AKNA: variants seen among roughly 807,000 people sequenced by gnomAD.
AKNA encodes microtubule organization protein AKNA.
AKNA carries 67 observed loss-of-function variants against 138.8 expected under a neutral mutation model. The observed-to-expected ratio is 0.48, with a 90% CI of 0.40 to 0.59. The LOEUF (loss-of-function observed/expected upper bound fraction) is 0.59, where lower values mean the gene tolerates loss of function less well. Ranked by LOEUF, AKNA falls within the 20% of genes least tolerant of loss-of-function variation. The probability of loss-of-function intolerance (pLI) is 0.00; values close to 1 mark genes in which losing one functional copy is unlikely to be tolerated. For synonymous variants in AKNA, 737 were observed against 754.4 expected, an observed-to-expected ratio of 0.98 and a Z score of 0.38; for missense variants, 1,813 against 1,880.4, an observed-to-expected ratio of 0.96 and a Z score of 0.66.
At chr9:114,384,930 GC>G in intron 1 of AKNA, among the ~76,000 whole-genome samples, 1 of 152,120 alleles carries the variant, frequency 6.6e-6, no homozygotes, top group East Asian at 1.9e-4. Flanking sequence ...GCTCACTGTA[GC>G]CTTGACCACC....
At chr9:114,358,294 C>T in intron 11 of AKNA, 127 bp from the exon 12 acceptor site, 3 of 1,331,114 alleles carry the variant, frequency 2.3e-6, no homozygotes, top group South Asian at 1.3e-5. Flanking sequence ...GCTGCCCAGC[C>T]TGGTTCTGCC....
Position 114,382,932 on chromosome 9 carries a change from T to C in AKNA, c.-113-1486A>G, listed in dbSNP as rs79507450. 1.3e-3 allele frequency among the ~76,000 whole-genome samples: 201 copies of C among 152,306 alleles called. 4 individuals carry two copies. In the East Asian group the frequency reaches 0.03, roughly 23 times the overall value. On this transcript the variant is annotated intron_variant, in intron 1 of 21. Transcript: ENST00000374088. ...TGGCAGTTACACAACACTGTGAATA[T>C]ACTAAATGTCACTGAACTGTTTACC...
intron 1 of AKNA, among the ~76,000 whole-genome samples, chr9:114,383,908 C>T (rs918051155): frequency 7.2e-5 from 11 of 152,148 alleles, no homozygotes; most frequent in African/African-American, 2.7e-4. Flanking sequence ...CCTCTGTCCC[C>T]GCCCAGTCTT....
At chr9:114,331,515 G>A (rs373305937), downstream of AKNA, 652 of 1,445,438 alleles carry the variant, frequency 4.5e-4, 1 homozygote, top group South Asian at 1.5e-3. Context: ...TGTAAGACAG[G>A]CACCATTGTG....
intron 9 of AKNA, 53 bp downstream of exon 9, chr9:114,361,651 C>A: frequency 6.3e-7 from 1 of 1,586,962 alleles, no homozygotes; most frequent in Admixed American, 1.7e-5. Flanking sequence ...AATGAATTAA[C>A]GAAGAAATGA....
chr9:114,332,851 GGTCTGAGCTCCCATT>G (rs1829882015), downstream of AKNA, among the ~76,000 whole-genome samples: 1 of 152,136 alleles, frequency 6.6e-6, no homozygotes, highest in Non-Finnish European at 1.5e-5. Flanking sequence ...GGTTCTTAAG[GGTCTGAGCTCCCATT>G]GTAGAGGCAA....
intron 1 of AKNA, among the ~76,000 whole-genome samples, chr9:114,384,571 T>G (rs1833904277): frequency 1.3e-5 from 2 of 152,208 alleles, no homozygotes; most frequent in African/African-American, 2.4e-5. Flanking sequence ...ATGACAAGGA[T>G]GTAGGCCTTT....
downstream of AKNA, chr9:114,331,666 C>T: frequency 6.2e-7 from 1 of 1,613,444 alleles, no homozygotes; most frequent in Non-Finnish European, 8.5e-7. Flanking sequence ...TGGGGGCTGT[C>T]TTTCTATGGT....
chr9:114,395,272 C>T (rs942728266), upstream of AKNA, among the ~76,000 whole-genome samples: 3 of 152,072 alleles, frequency 2.0e-5, no homozygotes, highest in African/African-American at 4.8e-5. Flanking sequence ...TGTGTTTGTA[C>T]GCAGGACACA....
downstream of AKNA, chr9:114,332,964 C>T (rs1394928955): frequency 3.9e-6 from 6 of 1,552,602 alleles, no homozygotes; most frequent in African/African-American, 6.8e-5. Flanking sequence ...CCTGGTTGAG[C>T]TGGTTCCACA....
intron 12 of AKNA, 100 bp downstream of exon 12, chr9:114,357,821 C>G (rs527664833): frequency 6.5e-7 from 1 of 1,544,382 alleles, no homozygotes; most frequent in Non-Finnish European, 8.7e-7. Context: ...GCAAGTATTC[C>G]AAGAAGGAAT....
At position 114,367,660 on chromosome 9, in the gene AKNA, C is replaced by A. The variant is rs146163104; in HGVS notation, c.1611G>T (p.Ser537=). ...ACCCCAGGGTGGGCATGCTGGTAAG[C>A]GAGGAGGGGCTCAAGTCTCCTCGAG... The part of the protein sequence containing the change: ...PSARGDLSPS[S]LTSMPTLGWL... Residue 537 remains serine, a synonymous_variant, in exon 6 of 22, where the codon TCG becomes TCT. Transcript: ENST00000374088. The A allele has an allele frequency of 6.3e-7, 1 of 1,595,532 alleles. No homozygotes were observed. Among genetic ancestry groups the A allele is most frequent in the South Asian group, 1.1e-5 (1 of 90,556 alleles).
intron 13 of AKNA, among the ~76,000 whole-genome samples, chr9:114,356,370 T>A (rs1012427667): frequency 6.6e-6 from 1 of 152,200 alleles, no homozygotes; most frequent in African/African-American, 2.4e-5. Flanking sequence ...ATGTGTAGAA[T>A]ACATAAAAGA....
chr9:114,337,054 T>C lies in AKNA; in HGVS notation c.4320A>G (p.Ter1440TrpextTer104). 9.9e-7 allele frequency: 1 copy of C among 1,013,392 alleles called. No homozygotes were observed. Among genetic ancestry groups the C allele is most frequent in the Non-Finnish European group, 1.3e-6 (1 of 792,574 alleles). 62.8% of individuals were successfully genotyped at this position (1,013,392 alleles called of 1,614,324 possible). The part of the protein sequence containing the change: ...AHSLRGSCLF[*>W] ...ATCTGCCTCTGGGCCCCCAGTGAAGTCAGAAGAGGCAGGAGCCCCGCAGGC... is the reference window on the plus strand; with the variant it reads ...ATCTGCCTCTGGGCCCCCAGTGAAGCCAGAAGAGGCAGGAGCCCCGCAGGC... The change falls in exon 22 of 22, where the codon TGA becomes TGG. Residue 1440 changes from the stop codon to tryptophan (W), a stop_lost. Coordinates refer to ENST00000374088, the MANE Select transcript of AKNA (RefSeq NM_001317950.2).
downstream of AKNA, among the ~76,000 whole-genome samples, chr9:114,332,152 G>A (rs1687382): frequency 4.4e-4 from 67 of 151,648 alleles, no homozygotes; most frequent in Middle Eastern, 3.4e-3. Flanking sequence ...GGGAGGACCT[G>A]AAAGCTAACA....
chr9:114,341,757 A>C (rs1047120933), intron 20 of AKNA, 32 bp from the exon 21 acceptor site: 1 of 1,532,940 alleles, frequency 6.5e-7, no homozygotes, highest in South Asian at 1.3e-5. Context: ...AGAGAGACAG[A>C]GTCTGACCAC....
chr9:114,380,279 C>G (rs1179093873), intron 2 of AKNA, among the ~76,000 whole-genome samples: 1 of 152,134 alleles, frequency 6.6e-6, no homozygotes, highest in Non-Finnish European at 1.5e-5. Flanking sequence ...TTATTTATAA[C>G]AGCAAAATCT....
intron 14 of AKNA, among the ~76,000 whole-genome samples, chr9:114,354,215 T>G (rs111953501): frequency 6.6e-6 from 1 of 152,114 alleles, no homozygotes; most frequent in Non-Finnish European, 1.5e-5. Flanking sequence ...TTTAAAAACT[T>G]TTCTGTTAGA....
rs10982170 is a variant in AKNA, at chr9:114,335,775, A to G, written c.*1279T>C. On this transcript the variant is annotated 3_prime_UTR_variant, in exon 22 of 22. Coordinates refer to ENST00000374088, the MANE Select transcript of AKNA (RefSeq NM_001317950.2). ...AACCAGAGCAAAACTCAGTCTCAAA[A>G]AAAAAAAAAAAAAGAAAAAGAAAAA... is the stretch of plus-strand genomic sequence containing the variant. 2.1e-5 allele frequency: 3 copies of G among 140,878 alleles called. No homozygotes were observed. The highest frequency in any genetic ancestry group is 8.8e-5 in the African/African-American group (3 of 34,088). The allele number at this position is 140,878 out of a possible 1,614,324, so 8.7% of individuals were successfully genotyped here.
Sources: allele counts gnomAD v4.1 joint callset (sites outside exome capture counted in the v4.1 genomes callset), GRCh38; gene constraint gnomAD v4.1.1; transcripts MANE v1.5; gene names NCBI Gene and HGNC (gene_info 2026-07-23, HGNC 2026-07-21).